Variants in MMP10 observed in about 807,000 individuals in gnomAD.
MMP10 encodes stromelysin-2.
A neutral mutation model predicts 49.1 loss-of-function variants in MMP10; 50 were observed. The observed-to-expected ratio is 1.02, with a 90% confidence interval of 0.81 to 1.29. MMP10 has a LOEUF of 1.29. MMP10 is among the 50% of genes most tolerant of loss of function. The pLI is 0.00. For missense variants in MMP10, 613 were observed against 563.8 expected (o/e 1.09, Z -0.88); for synonymous variants, 229 against 201.6 (o/e 1.14, Z -1.15).
At chr11:102,774,218 G>C (rs1037647702) in intron 7 of MMP10, among the ~76,000 whole-genome samples, 1 of 152,052 alleles carries the variant, frequency 6.6e-6, no homozygotes, top group Non-Finnish European at 1.5e-5. Context: ...CAGAAGAAAT[G>C]GTTATTTATA....
rs976500022 is a variant in MMP10, at chr11:102,772,300, A to G, written c.1227-185T>C. On this transcript the variant is annotated intron_variant, in intron 8 of 9. Transcript: ENST00000279441. The surrounding 1 kb of genome is among the most constrained non-coding windows in gnomAD (Gnocchi z 4.4). ...TTTCCTGGGCTTACAAGTTTAACACATAAAACAATATTTTCCAGAAACAGG... is the reference window on the plus strand; with the variant it reads ...TTTCCTGGGCTTACAAGTTTAACACGTAAAACAATATTTTCCAGAAACAGG... Among the ~76,000 whole-genome samples, 2 of 152,252 alleles carry G rather than the reference A, an allele frequency of 1.3e-5. No homozygotes were observed. Among genetic ancestry groups the G allele is most frequent in the African/African-American group, 2.4e-5 (1 of 41,468 alleles).
rs562842062 is a variant in MMP10, at chr11:102,775,304, G to A, written c.950C>T (p.Ser317Phe). 16 of 1,607,152 alleles carry A rather than the reference G, an allele frequency of 1.0e-5. No individual in the cohort carries two copies. In the South Asian group the frequency reaches 1.8e-4, roughly 18 times the overall value. The change falls in exon 7 of 10, where the codon TCC becomes TTC. Residue 317 changes from serine to phenylalanine, a missense_variant. Coordinates refer to ENST00000279441, the MANE Select transcript of MMP10 (RefSeq NM_002425.3). ...AAATTCAGGTTCAGGGTTCCAGTGG[G>A]ATCTTCGCCAAAAATATCTGTAATA... ...FFKDRYFWRRSHWNPEPEFHL... is the reference protein window; with the variant it reads ...FFKDRYFWRRFHWNPEPEFHL...
Position 102,780,561 on chromosome 11 carries a change from A to G in MMP10, c.31T>C (p.Cys11Arg). Residue 11 changes from cysteine to arginine, a missense_variant, in exon 1 of 10, where the codon TGT becomes CGT. By Grantham distance (180) the Cys-to-Arg change is radical. Transcript: ENST00000279441. ...GGATAGGCAGAGCAGACTGGCAGACACAACAGCACAAGGAATGCAAGATGC... is the reference window on the plus strand; with the variant it reads ...GGATAGGCAGAGCAGACTGGCAGACGCAACAGCACAAGGAATGCAAGATGC... MMHLAFLVLLCLPVCSAYPLS... is the reference protein window; with the variant it reads MMHLAFLVLLRLPVCSAYPLS... 2 of 1,613,812 alleles carry G rather than the reference A, an allele frequency of 1.2e-6. No homozygotes were observed. Among genetic ancestry groups the G allele is most frequent in the South Asian group, 2.2e-5 (2 of 91,030 alleles).
chr11:102,772,419 A>G lies in MMP10; in HGVS notation c.1227-304T>C, dbSNP rs1049753665. Among the ~76,000 whole-genome samples the G allele has an allele frequency of 6.6e-6, 1 of 152,236 alleles. No individual in the cohort carries two copies. The highest frequency in any genetic ancestry group is 1.5e-5 in the Non-Finnish European group (1 of 68,040). On this transcript the variant is annotated intron_variant, in intron 8 of 9. Transcript: ENST00000279441. This position sits in a 1 kb window ranked among gnomAD's most constrained non-coding sequence, Gnocchi z 4.4. ...GAAACCAAATTTCCCTGTGTCTACT[A>G]TAAATACATAAAGACTGTGTAGACA... is the stretch of plus-strand genomic sequence containing the variant.
chr11:102,774,280 G>A (rs1368536871), intron 7 of MMP10, among the ~76,000 whole-genome samples: 1 of 152,054 alleles, frequency 6.6e-6, no homozygotes, highest in Non-Finnish European at 1.5e-5. Context: ...AATAAGGTAA[G>A]TATCAAACTT....
In MMP10 at chr11:102,772,133, A is replaced by T. The variant is rs769499594; in HGVS notation, c.1227-18T>A. The T allele has an allele frequency of 8.9e-6, 13 of 1,464,020 alleles. No homozygotes were observed. The highest frequency in any genetic ancestry group is 1.2e-5 in the Non-Finnish European group (13 of 1,044,338). The allele number at this position is 1,464,020 out of a possible 1,614,324, so 90.7% of individuals were successfully genotyped here. On this transcript the variant is annotated intron_variant, in intron 8 of 9. Coordinates refer to ENST00000279441, the MANE Select transcript of MMP10 (RefSeq NM_002425.3). The surrounding 1 kb of genome is among the most constrained non-coding windows in gnomAD (Gnocchi z 4.4). ...CATCAAATCTAAACCAAATGAAAGA[A>T]ATACAGTTCAATGATGTGCAGTAGT...
At chr11:102,777,333 G>A (rs886986023) in intron 4 of MMP10, among the ~76,000 whole-genome samples, 5 of 151,406 alleles carry the variant, frequency 3.3e-5, no homozygotes, top group Non-Finnish European at 5.9e-5. Context: ...TCATTCTGTC[G>A]CCCAGGCTGG....
intron 7 of MMP10, among the ~76,000 whole-genome samples, chr11:102,774,399 A>C (rs1030233801): frequency 1.3e-5 from 2 of 152,062 alleles, no homozygotes; most frequent in African/African-American, 4.8e-5. Context: ...TAATATAGAG[A>C]GTAAATAAAG....
chr11:102,779,846 G>C, intron 1 of MMP10, 101 bp from the exon 2 acceptor site: 1 of 1,329,576 alleles, frequency 7.5e-7, no homozygotes, highest in Non-Finnish European at 1.0e-6. Context: ...TAAAACAAAA[G>C]AGGCTATCAC....
In MMP10 at chr11:102,775,203, C is replaced by T. The variant is rs775304558; in HGVS notation, c.1051G>A (p.Val351Ile). ...TAGTACTCACCTTTAAAAATAAAAA[C>T]GGTGTCCCTGCTGTTAACTTCATAT... ...AAYEVNSRDT[V>I]FIFKGNEFWA... The change falls in exon 7 of 10, where the codon GTT becomes ATT. Residue 351 changes from valine to isoleucine, a missense_variant. Val to Ile is a conservative substitution (Grantham distance 29). Transcript: ENST00000279441. 10 of 1,591,662 alleles carry T rather than the reference C, an allele frequency of 6.3e-6. No individual in the cohort carries two copies. Among genetic ancestry groups the T allele is most frequent in the South Asian group, 3.5e-5 (3 of 84,996 alleles).
chr11:102,779,080 T>G, intron 3 of MMP10, 133 bp downstream of exon 3: 1 of 1,320,326 alleles, frequency 7.6e-7, no homozygotes. Flanking sequence ...GGCACCTTAA[T>G]CTTGGACTTC....
chr11:102,775,416 A>G (rs1862012724), intron 6 of MMP10, 95 bp from the exon 7 acceptor site: 5 of 1,068,054 alleles, frequency 4.7e-6, no homozygotes, highest in East Asian at 2.6e-5. Flanking sequence ...TCACCCATTC[A>G]TAGAAGTCTG....
At chr11:102,775,594 T>C in intron 6 of MMP10, among the ~76,000 whole-genome samples, 1 of 152,130 alleles carries the variant, frequency 6.6e-6, no homozygotes, top group East Asian at 1.9e-4. Context: ...TTGATGCTTG[T>C]ATATGAGTAG....
At chr11:102,777,241 G>T (rs1857753676) in intron 4 of MMP10, among the ~76,000 whole-genome samples, 1 of 152,040 alleles carries the variant, frequency 6.6e-6, no homozygotes, top group South Asian at 2.1e-4. Flanking sequence ...GAAGACTGTG[G>T]TTATTTCTTG....
chr11:102,777,714 T>C (rs1159838509), intron 4 of MMP10, among the ~76,000 whole-genome samples: 2 of 152,188 alleles, frequency 1.3e-5, no homozygotes, highest in Non-Finnish European at 2.9e-5. Context: ...AAAAGGGTTT[T>C]ATTGAATTTA....
intron 6 of MMP10, 133 bp downstream of exon 6, chr11:102,776,147 T>C (rs1341906085): frequency 5.7e-6 from 4 of 704,102 alleles, no homozygotes; most frequent in Admixed American, 6.2e-5. Context: ...GACACGAGTT[T>C]ATCTATATAA....
At chr11:102,778,834 T>C (rs1310746979) in intron 3 of MMP10, 85 bp from the exon 4 acceptor site, 28 of 1,508,192 alleles carry the variant, frequency 1.9e-5, no homozygotes, top group Admixed American at 5.8e-5. Flanking sequence ...GATTCTATAG[T>C]CTGAATGTTG....
rs1408404970 is a variant in MMP10 at position 102,772,659 on chromosome 11, C to T, written c.1226+188G>A. Among the ~76,000 whole-genome samples the T allele has an allele frequency of 4.6e-5, 7 of 152,070 alleles. No homozygotes were observed. In the East Asian group the frequency reaches 1.3e-3, roughly 29 times the overall value. ...TGTCTTTTAGTGTCTGAGTATATGG[C>T]CCAGTGATCACCATTCTGAGAGGCC... On this transcript the variant is annotated intron_variant, in intron 8 of 9. Coordinates refer to ENST00000279441, the MANE Select transcript of MMP10 (RefSeq NM_002425.3). This position sits in a 1 kb window ranked among gnomAD's most constrained non-coding sequence, Gnocchi z 4.4.
rs756210031 is a variant in MMP10, at chr11:102,772,864, T to C, written c.1209A>G (p.Ala403=). Residue 403 remains alanine (A), a synonymous_variant, in exon 8 of 10, where the codon GCA becomes GCG. Coordinates refer to ENST00000279441, the MANE Select transcript of MMP10 (RefSeq NM_002425.3). The surrounding 1 kb of genome is among the most constrained non-coding windows in gnomAD (Gnocchi z 4.4). ...DKEKKKTYFF[A]ADKYWRFDEN... is the part of the protein sequence containing the mutation. ...CATCTCACCTCCAGTATTTGTCCGC[T>C]GCAAAGAAGTATGTTTTCTTCTTTT... The C allele has an allele frequency of 4.3e-6, 7 of 1,612,334 alleles. No individual in the cohort carries two copies. Among genetic ancestry groups the C allele is most frequent in the Non-Finnish European group, 5.9e-6 (7 of 1,179,390 alleles).
Sources: gnomAD v4.1 joint callset for allele counts (sites outside exome capture counted in the v4.1 genomes callset) on GRCh38, gnomAD v4.1.1 for gene constraint, Gnocchi (gnomAD v3.1) non-coding constraint, MANE v1.5 for transcripts, NCBI Gene and HGNC (gene_info 2026-07-23, HGNC 2026-07-21) for gene names.